SYN1: variants seen among roughly 807,000 people sequenced by gnomAD.
SYN1 encodes the protein synapsin I.
In SYN1, 8 loss-of-function variants were observed where a neutral mutation model predicts 44.6. The observed-to-expected ratio is 0.18, with a 90% CI of 0.11 to 0.32. SYN1 has a LOEUF of 0.32. Among genes scored for constraint, SYN1 ranks in the 10% least tolerant of loss-of-function variants. SYN1 has a pLI of 1.00. For synonymous variants in SYN1, 275 were observed against 280.1 expected, an observed-to-expected ratio of 0.98 and a Z score of 0.18; for missense variants, 451 against 639.4, an observed-to-expected ratio of 0.71 and a Z score of 3.18.
At chrX:47,611,598 A>C (rs1236616409) in intron 1 of SYN1, among the ~76,000 whole-genome samples, 3 of 111,905 alleles carry the variant, frequency 2.7e-5, no homozygotes, top group Non-Finnish European at 5.6e-5. Flanking sequence ...GGGCTATGCT[A>C]TCTCTCTCAC....
intron 3 of SYN1, 64 bp downstream of exon 3, chrX:47,606,881 C>T (rs1423966646): frequency 1.3e-5 from 14 of 1,093,460 alleles, no homozygotes; most frequent in Non-Finnish European, 1.6e-5. Context: ...GGAACTTTCC[C>T]CCAGCTCTAA....
intron 5 of SYN1, chrX:47,604,765 G>A: frequency 2.3e-6 from 1 of 439,373 alleles, no homozygotes. Flanking sequence ...TGAGTAACAG[G>A]ATCTGATACA....
intron 5 of SYN1, among the ~76,000 whole-genome samples, chrX:47,580,904 A>C (rs558972170): frequency 1.9e-5 from 2 of 107,365 alleles, no homozygotes; most frequent in Non-Finnish European, 3.9e-5. Flanking sequence ...ACTGCACTCC[A>C]GCCTAGGTGA....
chrX:47,604,710 T>G, intron 5 of SYN1: 1 of 374,046 alleles, frequency 2.7e-6, no homozygotes, highest in Admixed American at 4.4e-5. Flanking sequence ...ATTCTGTCAA[T>G]TCACATTAGA....
In SYN1 at chrX:47,576,361, C is replaced by T. The variant is rs777301855; in HGVS notation, c.1026G>A (p.Ala342=). 5.0e-5 allele frequency: 60 copies of T among 1,210,215 alleles called. No individual in the cohort carries two copies. The East Asian group carries it at 8.3e-4, about 17-fold the overall frequency. The change falls in exon 8 of 13, where the codon GCG becomes GCA. Residue 342 remains alanine (A), a synonymous_variant. Transcript: ENST00000295987. ...SGNWKTNTGS[A]MLEQIAMSDR... is the part of the protein sequence containing the mutation. ...CAGACATGGCAATTTGCTCCAGCAT[C>T]GCAGAGCCAGTATTGGTCTTCCAGT...
chrX:47,605,059 C>G lies in SYN1; in HGVS notation c.693G>C (p.Gln231His). Residue 231 changes from glutamine to histidine, a missense_variant, in exon 5 of 13, where the codon CAG (glutamine) becomes CAC (histidine). By Grantham distance (24) the Gln-to-His change is conservative. Transcript: ENST00000295987. ...CCAGTTTCTTATGCAGTCGAACCAT[C>G]TGGGCAAACTATGAGAACCAGGAGA... The part of the protein sequence containing the change: ...NFCDKPWVFA[Q>H]MVRLHKKLGT... The G allele has an allele frequency of 8.3e-7, 1 of 1,211,330 alleles. No homozygotes were observed. Among genetic ancestry groups the G allele is most frequent in the East Asian group, 3.0e-5 (1 of 33,860 alleles).
Position 47,607,179 on chromosome X carries a change from T to C in SYN1, c.397A>G (p.Lys133Glu), listed in dbSNP as rs773457993. The C allele has an allele frequency of 8.3e-7, 1 of 1,211,618 alleles. No homozygotes were observed. Reference sequence around the variant, plus strand: ...ATGTCAATTTCTCCATGGATCTTTTTCCCTTTGAAGTATTTTGCCCTGGAG... The same window carrying C: ...ATGTCAATTTCTCCATGGATCTTTTCCCCTTTGAAGTATTTTGCCCTGGAG... ...HTDWAKYFKGKKIHGEIDIKV... is the reference protein window; with the variant it reads ...HTDWAKYFKGEKIHGEIDIKV... Residue 133 changes from lysine to glutamate, a missense_variant, in exon 2 of 13, where the codon AAA becomes GAA. Lys to Glu is a moderately conservative substitution (Grantham distance 56). Transcript: ENST00000295987.
intron 5 of SYN1, among the ~76,000 whole-genome samples, chrX:47,579,323 TTGAACTC>T (rs1260688993): frequency 9.0e-6 from 1 of 111,220 alleles, no homozygotes; most frequent in Admixed American, 9.5e-5. Flanking sequence ...GCAGAGTGCT[TTGAACTC>T]TGACTCTGGG....
At chrX:47,576,775 G>A (rs922948996) in intron 6 of SYN1, 135 bp from the exon 7 acceptor site, 14 of 789,427 alleles carry the variant, frequency 1.8e-5, no homozygotes, top group Admixed American at 2.6e-5. Flanking sequence ...ATGCCAAGGC[G>A]CTCAAGCAGG....
intron 12 of SYN1, among the ~76,000 whole-genome samples, 166 bp downstream of exon 12, chrX:47,573,836 G>C (rs1051844695): frequency 1.8e-5 from 2 of 111,611 alleles, no homozygotes; most frequent in Non-Finnish European, 3.8e-5. Context: ...TGGTGGGCCG[G>C]GAGGAGCGAA....
chrX:47,618,439 T>C (rs1178971204), intron 1 of SYN1, among the ~76,000 whole-genome samples: 4 of 111,727 alleles, frequency 3.6e-5, no homozygotes, highest in Non-Finnish European at 5.7e-5. Context: ...GAACGGGGGA[T>C]ACAAGAGGCA....
intron 5 of SYN1, chrX:47,586,568 T>C (rs764066211): frequency 8.3e-7 from 1 of 1,212,038 alleles, no homozygotes; most frequent in Non-Finnish European, 1.1e-6. Flanking sequence ...GTGGCACTCA[T>C]TGCTTGTGGA....
intron 1 of SYN1, among the ~76,000 whole-genome samples, chrX:47,613,613 C>G (rs772521797): frequency 4.5e-5 from 5 of 111,823 alleles, no homozygotes; most frequent in Non-Finnish European, 7.5e-5. Context: ...GATCCACCAG[C>G]ACGAGACCCT....
chrX:47,582,572 T>TACTC, intron 5 of SYN1: 1 of 366,192 alleles, frequency 2.7e-6, no homozygotes, highest in Non-Finnish European at 5.5e-6. Flanking sequence ...GATGCCTGTC[T>TACTC]ACTCAGCTTG....
In SYN1 at chrX:47,572,699, G is replaced by C. The variant is rs900702918; in HGVS notation, c.*165C>G. 5.7e-6 allele frequency: 4 copies of C among 697,014 alleles called. No homozygotes were observed. Among genetic ancestry groups the C allele is most frequent in the Admixed American group, 3.1e-5 (1 of 32,040 alleles). The allele number at this position is 697,014 out of a possible 1,213,427, so 57.4% of individuals were successfully genotyped here. A position where few individuals can be genotyped will look rare whatever the true frequency, so the allele number is the denominator to read the frequency against. ...TGAGAACCGGATTTAGGGCCAGGAG[G>C]AGTCAGGTTTCTCAAGGTACTCGGG... is the stretch of plus-strand genomic sequence containing the variant. On this transcript the variant is annotated 3_prime_UTR_variant, in exon 13 of 13. Coordinates refer to ENST00000295987, the MANE Select transcript of SYN1 (RefSeq NM_006950.3).
At chrX:47,601,566 G>A (rs1200681653) in intron 5 of SYN1, among the ~76,000 whole-genome samples, 1 of 111,022 alleles carries the variant, frequency 9.0e-6, no homozygotes, top group East Asian at 2.8e-4. Flanking sequence ...AGACCAGCCT[G>A]AGCAACACAG....
At chrX:47,609,432 C>T (rs10854945) in intron 1 of SYN1, among the ~76,000 whole-genome samples, 40,500 of 111,219 alleles carry the variant, frequency 0.36, 5,308 homozygotes, top group Admixed American at 0.39. Flanking sequence ...CTAAGAGCAG[C>T]GGAGGCCCCT....
At chrX:47,605,811 C>T (rs1177319325) in intron 3 of SYN1, among the ~76,000 whole-genome samples, 1 of 111,807 alleles carries the variant, frequency 8.9e-6, no homozygotes, top group Non-Finnish European at 1.9e-5. Context: ...AAATGTCTCT[C>T]CTGCAACCAG....
At chrX:47,595,136 T>G (rs1310211648) in intron 5 of SYN1, among the ~76,000 whole-genome samples, 3 of 111,366 alleles carry the variant, frequency 2.7e-5, no homozygotes, top group Non-Finnish European at 5.7e-5. Context: ...ACATGTGGGG[T>G]TCCTGGAGGG....
Sources: gnomAD v4.1 joint callset for allele counts (sites outside exome capture counted in the v4.1 genomes callset) on GRCh38, gnomAD v4.1.1 for gene constraint, MANE v1.5 for transcripts, NCBI Gene and HGNC (gene_info 2026-07-23, HGNC 2026-07-21) for gene names.